Variants in MAP2 observed in about 807,000 individuals in gnomAD.
MAP2 encodes the protein microtubule-associated protein 2.
In MAP2, 14 loss-of-function variants were observed where a neutral mutation model predicts 137.6. The ratio of observed to expected loss-of-function variants is 0.10; its 90% CI spans 0.07 to 0.16. The LOEUF (loss-of-function observed/expected upper bound fraction) is 0.16, where lower values mean the gene tolerates loss of function less well. MAP2 is among the 10% of genes least tolerant of loss of function. The pLI is 1.00. For synonymous variants in MAP2, 786 were observed against 782.3 expected, an observed-to-expected ratio of 1.00 and a Z score of -0.08; for missense variants, 2,088 against 2,191.5, an observed-to-expected ratio of 0.95 and a Z score of 0.94.
intron 3 of MAP2, among the ~76,000 whole-genome samples, chr2:209,597,982 G>A (rs1416332788): frequency 6.6e-6 from 1 of 151,894 alleles, no homozygotes. Context: ...ATCTCCATGA[G>A]TGTCTGTCCT....
At chr2:209,680,214 T>C (rs1044794105) in intron 6 of MAP2, among the ~76,000 whole-genome samples, 4 of 152,170 alleles carry the variant, frequency 2.6e-5, no homozygotes, top group Non-Finnish European at 2.9e-5. Context: ...TGAGAATACA[T>C]ACAGAAGATG....
intron 13 of MAP2, chr2:209,723,573 A>G: frequency 7.0e-7 from 1 of 1,427,420 alleles, no homozygotes; most frequent in South Asian, 1.1e-5. Context: ...TGCACAGTGA[A>G]GTTACCTCCA....
intron 2 of MAP2, among the ~76,000 whole-genome samples, chr2:209,528,823 T>C (rs186371287): frequency 2.0e-4 from 30 of 149,040 alleles, no homozygotes; most frequent in Admixed American, 2.7e-4. Flanking sequence ...TATATATGTA[T>C]ATGTACATAT....
intron 2 of MAP2, among the ~76,000 whole-genome samples, chr2:209,514,946 T>C (rs11890456): frequency 0.22 from 33,855 of 151,842 alleles, 5,011 homozygotes; most frequent in African/African-American, 0.42. Context: ...TAGGAATGCC[T>C]TCTGAGTCAT....
chr2:209,597,201 T>C (rs2081512136), intron 3 of MAP2, among the ~76,000 whole-genome samples: 1 of 152,210 alleles, frequency 6.6e-6, no homozygotes, highest in Non-Finnish European at 1.5e-5. Context: ...AATATATTTC[T>C]ATTTTGTTTA....
At position 209,692,714 on chromosome 2, in the gene MAP2, T is replaced by A; in HGVS notation, c.544T>A (p.Ser182Thr). 1.2e-6 allele frequency: 2 copies of A among 1,613,448 alleles called. No homozygotes were observed. The highest frequency in any genetic ancestry group is 2.2e-5 in the South Asian group (2 of 91,034). Reference sequence around the variant, plus strand: ...GCCTTCAGACCAGAAGGAAAAGGAGTCAGAGAAGCAAAGTAAGCCTGGTGA... The same window carrying A: ...GCCTTCAGACCAGAAGGAAAAGGAGACAGAGAAGCAAAGTAAGCCTGGTGA... ...AEPSDQKEKE[S>T]EKQSKPGEDL... Residue 182 changes from serine to threonine, a missense_variant, in exon 8 of 16, where the codon TCA becomes ACA. By Grantham distance (58) the Ser-to-Thr change is moderately conservative. Transcript: ENST00000682079.
intron 2 of MAP2, among the ~76,000 whole-genome samples, chr2:209,536,954 A>G (rs760321452): frequency 2.6e-5 from 4 of 152,112 alleles, no homozygotes; most frequent in Non-Finnish European, 4.4e-5. Context: ...TACTGTAAGG[A>G]TAGCTCACAG....
At chr2:209,703,125 C>T (rs1219499800) in intron 11 of MAP2, among the ~76,000 whole-genome samples, 1 of 152,052 alleles carries the variant, frequency 6.6e-6, no homozygotes, top group Non-Finnish European at 1.5e-5. Context: ...TCAGTCCTGA[C>T]TTTCCTTTTT....
At chr2:209,644,787 T>C (rs143876774) in intron 4 of MAP2, among the ~76,000 whole-genome samples, 28 of 151,932 alleles carry the variant, frequency 1.8e-4, no homozygotes, top group East Asian at 5.8e-4. Flanking sequence ...TACTTTCAAA[T>C]AACCCCTTTT....
intron 2 of MAP2, among the ~76,000 whole-genome samples, chr2:209,521,177 C>T (rs1171955530): frequency 6.6e-6 from 1 of 151,970 alleles, no homozygotes; most frequent in South Asian, 2.1e-4. Flanking sequence ...AGCACCACAT[C>T]GTGCCAAGAA....
intron 3 of MAP2, among the ~76,000 whole-genome samples, chr2:209,602,353 A>AGGTATACTTGGCTACCCATCC (rs2083259185): frequency 6.6e-6 from 1 of 152,306 alleles, no homozygotes; most frequent in South Asian, 2.1e-4. Flanking sequence ...AAGGATGCAA[A>AGGTATACTTGGCTACCCATCC]GGTATACTTG....
At chr2:209,502,016 A>G (rs1416492709) in intron 1 of MAP2, among the ~76,000 whole-genome samples, 1 of 152,170 alleles carries the variant, frequency 6.6e-6, no homozygotes, top group African/African-American at 2.4e-5. Flanking sequence ...GTTTTGATAT[A>G]TATATATACA....
intron 5 of MAP2, among the ~76,000 whole-genome samples, chr2:209,666,815 G>A (rs562989620): frequency 2.0e-5 from 3 of 150,290 alleles, no homozygotes; most frequent in Non-Finnish European, 4.4e-5. Flanking sequence ...AATTTTTTTT[G>A]ATGTGAAGAA....
Position 209,462,972 on chromosome 2 carries a change from C to A in MAP2, c.-222+38696C>A, listed in dbSNP as rs193177161. 2.6e-5 allele frequency among the ~76,000 whole-genome samples: 4 copies of A among 152,146 alleles called. No homozygotes were observed. The East Asian group carries it at 7.7e-4, about 29-fold the overall frequency. On this transcript the variant is annotated intron_variant, in intron 1 of 15. Coordinates refer to ENST00000682079, the MANE Select transcript of MAP2 (RefSeq NM_001375505.1). Reference sequence around the variant, plus strand: ...TTGTATGCCTGCTCTTCTGTCAACTCCCAGCATAATGCACACACACACACA... The same window carrying A: ...TTGTATGCCTGCTCTTCTGTCAACTACCAGCATAATGCACACACACACACA...
chr2:209,462,155 T>C (rs1702985269), intron 1 of MAP2, among the ~76,000 whole-genome samples: 1 of 152,170 alleles, frequency 6.6e-6, no homozygotes, highest in East Asian at 1.9e-4. Flanking sequence ...CTATGAAACG[T>C]TTTGTTCTAG....
Position 209,653,268 on chromosome 2 carries a change from A to T in MAP2, c.98A>T (p.Asp33Val). 3 of 1,614,142 alleles carry T rather than the reference A, an allele frequency of 1.9e-6. No individual in the cohort carries two copies. The highest frequency in any genetic ancestry group is 2.5e-6 in the Non-Finnish European group (3 of 1,180,014). Residue 33 changes from aspartate to valine, a missense_variant, in exon 5 of 16, where the codon GAT (aspartate) becomes GTT (valine). This residue lies in a region of MAP2 where 859 missense variants were observed against 794.5 expected (regional missense o/e 1.08). Transcript: ENST00000682079. ...SAHSHPPEIK[D>V]QGGAGEGLVR... The stretch of plus-strand genomic sequence containing the variant: ...CACTCACATCCACCTGAGATTAAGG[A>T]TCAAGGCGGAGCAGGGGAAGGACTT...
chr2:209,523,923 C>G (rs1042512543), intron 2 of MAP2, among the ~76,000 whole-genome samples: 1 of 152,088 alleles, frequency 6.6e-6, no homozygotes, highest in Non-Finnish European at 1.5e-5. Flanking sequence ...CCGTTTAAGT[C>G]CTTCTTAAGG....
chr2:209,571,271 A>G (rs1348107808), intron 2 of MAP2, among the ~76,000 whole-genome samples: 3 of 151,936 alleles, frequency 2.0e-5, no homozygotes, highest in Non-Finnish European at 2.9e-5. Flanking sequence ...ATGAAGGTAC[A>G]TTACATTAAT....
At chr2:209,662,541 A>G (rs901247945) in intron 5 of MAP2, among the ~76,000 whole-genome samples, 2 of 151,404 alleles carry the variant, frequency 1.3e-5, no homozygotes, top group Non-Finnish European at 2.9e-5. Context: ...CTCTCATCCC[A>G]TTTTTTCCAA....
Sources: allele counts gnomAD v4.1 joint callset (sites outside exome capture counted in the v4.1 genomes callset), GRCh38; gene constraint gnomAD v4.1.1; regional missense constraint gnomAD v4.1.1; transcripts MANE v1.5; gene names NCBI Gene and HGNC (gene_info 2026-07-23, HGNC 2026-07-21).